The following ENAH variants were observed in gnomAD, a reference collection of about 807,000 sequenced individuals.
ENAH encodes the protein protein enabled homolog.
In ENAH, 23 loss-of-function variants were observed where a neutral mutation model predicts 78.7. That is an observed-to-expected ratio of 0.29 (90% confidence interval 0.21 to 0.41). ENAH has a LOEUF of 0.41. Among genes scored for constraint, ENAH ranks in the 10% least tolerant of loss-of-function variants. The pLI is 1.00. For synonymous variants in ENAH, 226 were observed against 241.0 expected, an observed-to-expected ratio of 0.94 and a Z score of 0.58; for missense variants, 544 against 691.0, an observed-to-expected ratio of 0.79 and a Z score of 2.39.
intron 1 of ENAH, among the ~76,000 whole-genome samples, chr1:225,630,505 A>C (rs1658817378): frequency 6.6e-6 from 1 of 152,222 alleles, no homozygotes; most frequent in Admixed American, 6.5e-5. Flanking sequence ...ACTAAATGGG[A>C]TGCAAAAGGT....
At chr1:225,630,918 A>C (rs1658894506) in intron 1 of ENAH, among the ~76,000 whole-genome samples, 1 of 152,214 alleles carries the variant, frequency 6.6e-6, no homozygotes, top group African/African-American at 2.4e-5. Context: ...CACTGCTCTA[A>C]CCTGAAACAA....
intron 1 of ENAH, among the ~76,000 whole-genome samples, chr1:225,588,833 A>C (rs2840960): frequency 0.055 from 8,272 of 149,968 alleles, 257 homozygotes; most frequent in East Asian, 0.087. Context: ...AAAGGAAAAA[A>C]CTTGGCAGTT....
intron 5 of ENAH, 51 bp from the exon 6 acceptor site, chr1:225,517,357 A>G (rs909355185): frequency 7.1e-6 from 11 of 1,551,728 alleles, no homozygotes; most frequent in South Asian, 1.2e-5. Context: ...AGTTGAGGCA[A>G]TAGGGGTGCT....
rs1281055256 is a variant in ENAH, at chr1:225,639,067, C to A, written c.5+13619G>T. Among the ~76,000 whole-genome samples, 3 of 152,168 alleles carry A rather than the reference C, an allele frequency of 2.0e-5. No homozygotes were observed. In the East Asian group the frequency reaches 5.8e-4, roughly 29 times the overall value. ...ACAGGTTATTTCAATTACAAAGCAA[C>A]ACAATGCATATCATCTACAAAGTGA... is the stretch of plus-strand genomic sequence containing the variant. On this transcript the variant is annotated intron_variant, in intron 1 of 13. Transcript: ENST00000366843.
Position 225,495,300 on chromosome 1 carries a change from AC to A in ENAH, c.*2474del, listed in dbSNP as rs1205446548. The A allele has an allele frequency of 2.6e-5, 4 of 152,488 alleles. No homozygotes were observed. Among genetic ancestry groups the A allele is most frequent in the African/African-American group, 9.7e-5 (4 of 41,426 alleles). 9.4% of individuals were successfully genotyped at this position (152,488 alleles called of 1,614,324 possible). A position where few individuals can be genotyped will look rare whatever the true frequency, so the allele number is the denominator to read the frequency against. Reference sequence around the variant, plus strand: ...GAACGTGGTTTTGATAAGGTAAATAACTTAGGCTTCTGTTTCCCATTTTAAT... The same window carrying A: ...GAACGTGGTTTTGATAAGGTAAATAATTAGGCTTCTGTTTCCCATTTTAAT... On this transcript the variant is annotated 3_prime_UTR_variant, in exon 14 of 14. Coordinates refer to ENST00000366843, the MANE Select transcript of ENAH (RefSeq NM_018212.6).
At chr1:225,518,134 C>G in intron 5 of ENAH, 1 of 641,594 alleles carries the variant, frequency 1.6e-6, no homozygotes, top group Middle Eastern at 4.3e-4. Flanking sequence ...GGCACAAACG[C>G]AAATAACTAT....
chr1:225,613,477 A>T (rs2097003460), intron 1 of ENAH, among the ~76,000 whole-genome samples: 1 of 152,204 alleles, frequency 6.6e-6, no homozygotes, highest in Non-Finnish European at 1.5e-5. Flanking sequence ...TTTGTTGATT[A>T]ACTTGTTCCT....
chr1:225,637,117 G>A (rs979841501), intron 1 of ENAH, among the ~76,000 whole-genome samples: 10 of 152,182 alleles, frequency 6.6e-5, no homozygotes, highest in South Asian at 4.1e-4. Flanking sequence ...ACTGTTTCTC[G>A]AGGGCCCTGA....
At chr1:225,643,460 A>T (rs1661438904) in intron 1 of ENAH, among the ~76,000 whole-genome samples, 1 of 152,244 alleles carries the variant, frequency 6.6e-6, no homozygotes, top group South Asian at 2.1e-4. Flanking sequence ...ATCCTAAAAC[A>T]GTATCAGATA....
chr1:225,571,289 C>T (rs1200198320), intron 1 of ENAH, among the ~76,000 whole-genome samples: 1 of 151,956 alleles, frequency 6.6e-6, no homozygotes, highest in Non-Finnish European at 1.5e-5. Context: ...ACAAGAATCG[C>T]TTGAACCCAG....
At chr1:225,515,344 C>A in intron 6 of ENAH, 1 of 155,326 alleles carries the variant, frequency 6.4e-6, no homozygotes. Flanking sequence ...ACAGTGAACA[C>A]ATACATTTAA....
chr1:225,517,482 TAC>T, intron 5 of ENAH, 176 bp from the exon 6 acceptor site: 1 of 1,551,540 alleles, frequency 6.4e-7, no homozygotes, highest in Non-Finnish European at 8.7e-7. Context: ...CTGGATATGT[TAC>T]AGAGTCAACC....
At position 225,593,389 on chromosome 1, in the gene ENAH, C is replaced by CTGTGTGTGTGTG. The variant is rs1222265738; in HGVS notation, c.6-25987_6-25976dup. On this transcript the variant is annotated intron_variant, in intron 1 of 13. Coordinates refer to ENST00000366843, the MANE Select transcript of ENAH (RefSeq NM_018212.6). ...TATGCTTGCACACTGCAGCCTGCCC[C>CTGTGTGTGTGTG]TGTGTGTGTGTGGGGGGGGGGGGGG... Among the ~76,000 whole-genome samples, 17 of 20,046 alleles carry CTGTGTGTGTGTG rather than the reference C, an allele frequency of 8.5e-4. 3 individuals carry two copies. The highest frequency in any genetic ancestry group is 3.7e-3 in the East Asian group (2 of 546). 13.2% of individuals were successfully genotyped at this position (20,046 alleles called of 152,430 possible). A position where few individuals can be genotyped will look rare whatever the true frequency, so the allele number is the denominator to read the frequency against.
In ENAH at chr1:225,492,939, A is replaced by T. The variant is rs2096229827; in HGVS notation, c.*4836T>A. The stretch of plus-strand genomic sequence containing the variant: ...TAGTTAATTCTTTAGCAGTTGTCAA[A>T]TGTGTCTCCTCACCAAAAGATTTTA... On this transcript the variant is annotated 3_prime_UTR_variant, in exon 14 of 14. Coordinates refer to ENST00000366843, the MANE Select transcript of ENAH (RefSeq NM_018212.6). 6.6e-6 allele frequency: 1 copy of T among 152,214 alleles called. No homozygotes were observed. The highest frequency in any genetic ancestry group is 2.4e-5 in the African/African-American group (1 of 41,456). 9.4% of individuals were successfully genotyped at this position (152,214 alleles called of 1,614,324 possible).
chr1:225,605,062 T>C (rs370126372), intron 1 of ENAH, among the ~76,000 whole-genome samples: 1 of 152,240 alleles, frequency 6.6e-6, no homozygotes, highest in Non-Finnish European at 1.5e-5. Flanking sequence ...ATTACACTTC[T>C]GTAGGTTTCA....
At chr1:225,533,723 C>T (rs1263784429) in intron 3 of ENAH, among the ~76,000 whole-genome samples, 1 of 152,074 alleles carries the variant, frequency 6.6e-6, no homozygotes, top group Non-Finnish European at 1.5e-5. Flanking sequence ...AAAATCAGAT[C>T]AGGAGACTCT....
intron 1 of ENAH, among the ~76,000 whole-genome samples, chr1:225,604,063 A>G (rs1325638674): frequency 6.6e-6 from 1 of 152,232 alleles, no homozygotes. Flanking sequence ...GAAACTTCTA[A>G]TAAGCAAAAA....
At position 225,519,441 on chromosome 1, in the gene ENAH, C is replaced by G. The variant is rs2096449610; in HGVS notation, c.559G>C (p.Glu187Gln). The change falls in exon 5 of 14, where the codon GAA (glutamate) becomes CAA (glutamine). Residue 187 changes from glutamate (E) to glutamine (Q), a missense_variant. By Grantham distance (29) the Glu-to-Gln change is conservative. Transcript: ENST00000366843. ...ERERLERERL[E>Q]QEQLERERQE... The stretch of plus-strand genomic sequence containing the variant: ...CTCTCTCTCTCCAGCTGTTCTTGTT[C>G]CAGTCGCTCCCTCTCCAGCCTTTCC... 35 of 1,613,544 alleles carry G rather than the reference C, an allele frequency of 2.2e-5. 1 individual carries two copies. The highest frequency in any genetic ancestry group is 3.0e-5 in the Non-Finnish European group (35 of 1,179,694).
At chr1:225,582,042 G>A (rs556279960) in intron 1 of ENAH, among the ~76,000 whole-genome samples, 11 of 152,110 alleles carry the variant, frequency 7.2e-5, no homozygotes, top group Middle Eastern at 3.4e-3. Flanking sequence ...CAATGTTGGG[G>A]GTGGGGCCTG....
Sources: allele counts gnomAD v4.1 joint callset (sites outside exome capture counted in the v4.1 genomes callset), GRCh38; gene constraint gnomAD v4.1.1; transcripts MANE v1.5; gene names NCBI Gene and HGNC (gene_info 2026-07-23, HGNC 2026-07-21).